Variants in PLS1 observed in about 807,000 individuals in gnomAD.
PLS1 encodes the protein plastin 1, also known as plastin-1.
PLS1 carries 32 observed loss-of-function variants against 73.7 expected under a neutral mutation model. The ratio of observed to expected loss-of-function variants is 0.43; its 90% CI spans 0.33 to 0.58. The LOEUF is 0.58. Ranked by LOEUF, PLS1 falls within the 20% of genes least tolerant of loss-of-function variation. The pLI is 0.04. For synonymous variants in PLS1, 217 were observed against 261.3 expected (o/e 0.83, Z 1.63); for missense variants, 633 against 740.5 (o/e 0.85, Z 1.68).
chr3:142,689,558 AC>A, intron 9 of PLS1, 59 bp from the exon 10 acceptor site: 1 of 940,480 alleles, frequency 1.1e-6, no homozygotes. Context: ...AAACATGTAT[AC>A]CAATAAAAAT....
rs7632116 is a variant in PLS1 at position 142,687,951 on chromosome 3, G to T, written c.981+1575G>T. Among the ~76,000 whole-genome samples the T allele has an allele frequency of 7.7e-3, 1,058 of 137,446 alleles. 11 individuals are homozygous for T. The highest frequency in any genetic ancestry group is 0.025 in the African/African-American group (922 of 37,320). The allele number at this position is 137,446 out of a possible 152,430, so 90.2% of individuals were successfully genotyped here. On this transcript the variant is annotated intron_variant, in intron 9 of 15. Transcript: ENST00000457734. ...GTCCACATGTTGTCTTTATTTGTTTGTTTTTTTTTTTTTTTAGATGGAGTC... is the reference window on the plus strand; with the variant it reads ...GTCCACATGTTGTCTTTATTTGTTTTTTTTTTTTTTTTTTTAGATGGAGTC...
At chr3:142,667,302 C>G (rs1417087212) in intron 2 of PLS1, among the ~76,000 whole-genome samples, 2 of 152,228 alleles carry the variant, frequency 1.3e-5, no homozygotes, top group East Asian at 3.9e-4. Flanking sequence ...GTAGTCCCAG[C>G]TACTTGGGAG....
chr3:142,680,779 T>C (rs909552418), intron 6 of PLS1, among the ~76,000 whole-genome samples: 4 of 152,164 alleles, frequency 2.6e-5, no homozygotes, highest in Non-Finnish European at 4.4e-5. Flanking sequence ...AGCAACTTTA[T>C]AATAAGGTAT....
intron 11 of PLS1, among the ~76,000 whole-genome samples, chr3:142,696,354 T>C (rs1045883463): frequency 6.6e-6 from 1 of 152,186 alleles, no homozygotes; most frequent in African/African-American, 2.4e-5. Context: ...TCTGAGCATA[T>C]AGTATTTTTT....
intron 1 of PLS1, among the ~76,000 whole-genome samples, chr3:142,628,204 G>A (rs144919763): frequency 1.3e-5 from 2 of 152,150 alleles, no homozygotes; most frequent in African/African-American, 2.4e-5. Context: ...ACTGGGACTC[G>A]GGCACACTGA....
intron 12 of PLS1, among the ~76,000 whole-genome samples, chr3:142,703,581 C>T (rs1020642251): frequency 3.3e-5 from 5 of 152,148 alleles, no homozygotes; most frequent in African/African-American, 7.2e-5. Flanking sequence ...CAGGCGTAAG[C>T]GACCACGCCC....
At chr3:142,706,130 ATATT>A (rs1174349955) in intron 14 of PLS1, among the ~76,000 whole-genome samples, 1 of 152,224 alleles carries the variant, frequency 6.6e-6, no homozygotes, top group Non-Finnish European at 1.5e-5. Context: ...GAGCAAATTA[ATATT>A]TATTGAGCTC....
At chr3:142,632,344 A>T (rs1266829216) in intron 1 of PLS1, among the ~76,000 whole-genome samples, 1 of 152,196 alleles carries the variant, frequency 6.6e-6, no homozygotes, top group Non-Finnish European at 1.5e-5. Flanking sequence ...TATTCATAAG[A>T]GAAAACAAAT....
At chr3:142,695,757 C>CTTAT (rs1305943795) in intron 11 of PLS1, among the ~76,000 whole-genome samples, 75 of 135,104 alleles carry the variant, frequency 5.6e-4, no homozygotes, top group African/African-American at 1.6e-3. Flanking sequence ...AGTAAGGAGA[C>CTTAT]TTACTTATTT....
chr3:142,597,193 T>A (rs745816287), intron 1 of PLS1: 1 of 152,106 alleles, frequency 6.6e-6, no homozygotes, highest in Non-Finnish European at 1.5e-5. Flanking sequence ...ACTTACTTAC[T>A]ATGTCACATT....
intron 1 of PLS1, among the ~76,000 whole-genome samples, chr3:142,639,653 C>A (rs2036785259): frequency 6.6e-6 from 1 of 152,092 alleles, no homozygotes; most frequent in South Asian, 2.1e-4. Flanking sequence ...GTTTAGCTTA[C>A]TAATTTGTTT....
intron 1 of PLS1, among the ~76,000 whole-genome samples, chr3:142,640,429 A>G (rs997968271): frequency 6.6e-6 from 1 of 152,208 alleles, no homozygotes; most frequent in Non-Finnish European, 1.5e-5. Flanking sequence ...TGAAGGCAGG[A>G]TGAACAGAAA....
At chr3:142,655,344 A>G (rs969292309) in intron 1 of PLS1, among the ~76,000 whole-genome samples, 7 of 152,168 alleles carry the variant, frequency 4.6e-5, no homozygotes, top group Non-Finnish European at 8.8e-5. Context: ...ACTTGGGAAG[A>G]CTGAAGCAGA....
chr3:142,652,523 G>A (rs907540072), intron 1 of PLS1, among the ~76,000 whole-genome samples: 1 of 152,142 alleles, frequency 6.6e-6, no homozygotes, highest in Non-Finnish European at 1.5e-5. Flanking sequence ...CTGTGTCCTC[G>A]GAGGCATGGC....
Position 142,698,281 on chromosome 3 carries a change from T to A in PLS1, c.1371+214T>A, listed in dbSNP as rs577814134. The A allele has an allele frequency of 1.9e-5, 8 of 431,864 alleles. No homozygotes were observed. The South Asian group carries it at 2.7e-4, about 15-fold the overall frequency. The allele number at this position is 431,864 out of a possible 1,614,324, so 26.8% of individuals were successfully genotyped here. ...CACTTTATATAACTATTTTCATCTT[T>A]ATCAAGTCATAGTACTTAATGTTCT... On this transcript the variant is annotated intron_variant, in intron 12 of 15. Coordinates refer to ENST00000457734, the MANE Select transcript of PLS1 (RefSeq NM_001145319.2).
chr3:142,688,137 G>A (rs567965094), intron 9 of PLS1, among the ~76,000 whole-genome samples: 3 of 151,928 alleles, frequency 2.0e-5, no homozygotes, highest in African/African-American at 4.8e-5. Flanking sequence ...TAGTAGAGAC[G>A]GGGTTTCACC....
chr3:142,637,605 A>G (rs928144301), intron 1 of PLS1, among the ~76,000 whole-genome samples: 2 of 152,184 alleles, frequency 1.3e-5, no homozygotes, highest in African/African-American at 4.8e-5. Flanking sequence ...ACATCATGGG[A>G]AAATACTTAC....
intron 3 of PLS1, 22 bp from the exon 4 acceptor site, chr3:142,670,971 T>G (rs751528690): frequency 1.4e-5 from 22 of 1,531,218 alleles, no homozygotes; most frequent in Non-Finnish European, 2.0e-5. Flanking sequence ...TGATTCTCAA[T>G]TTTACTTATG....
chr3:142,669,659 G>A, intron 3 of PLS1, 106 bp downstream of exon 3: 11 of 638,644 alleles, frequency 1.7e-5, no homozygotes, highest in South Asian at 5.6e-5. Flanking sequence ...ACCAGAAAAA[G>A]GACTGCTTTA....
Sources: gnomAD v4.1 joint callset for allele counts (sites outside exome capture counted in the v4.1 genomes callset) on GRCh38, gnomAD v4.1.1 for gene constraint, MANE v1.5 for transcripts, NCBI Gene and HGNC (gene_info 2026-07-23, HGNC 2026-07-21) for gene names.